SLC6A6: variants seen among roughly 807,000 people sequenced by gnomAD.
The protein encoded by SLC6A6 is solute carrier family 6 member 6.
Under a neutral mutation model 68.8 loss-of-function variants are expected in SLC6A6, and 16 were observed. The observed-to-expected ratio is 0.23, with a 90% CI of 0.16 to 0.35. The LOEUF (loss-of-function observed/expected upper bound fraction) is 0.35, where lower values mean the gene tolerates loss of function less well. SLC6A6 is among the 10% of genes least tolerant of loss of function. The pLI is 1.00. For missense variants in SLC6A6, 474 were observed against 802.8 expected (o/e 0.59, Z 4.95); for synonymous variants, 312 against 315.4 (o/e 0.99, Z 0.12).
intron 4 of SLC6A6, 78 bp from the exon 5 acceptor site, chr3:14,447,504 G>A: frequency 1.3e-6 from 2 of 1,576,650 alleles, no homozygotes; most frequent in Non-Finnish European, 1.7e-6. Context: ...GGATACCATG[G>A]CCTTCCAGTT....
At chr3:14,418,958 C>T (rs1176827989) in intron 2 of SLC6A6, among the ~76,000 whole-genome samples, 1 of 152,234 alleles carries the variant, frequency 6.6e-6, no homozygotes, top group Non-Finnish European at 1.5e-5. Context: ...CCCGGGACTT[C>T]CTCCTGGTTA....
intron 1 of SLC6A6, among the ~76,000 whole-genome samples, chr3:14,407,068 G>A (rs1447319070): frequency 6.9e-6 from 1 of 144,074 alleles, no homozygotes; most frequent in Admixed American, 6.9e-5. Context: ...TTTTTTTTTT[G>A]AGACAGGGTC....
chr3:14,403,123 T>TGTGG (rs1350237821), intron 1 of SLC6A6, among the ~76,000 whole-genome samples: 3 of 126,746 alleles, frequency 2.4e-5, no homozygotes, highest in African/African-American at 8.9e-5. Context: ...TGTGTGTGTG[T>TGTGG]GGCATATCTG....
At chr3:14,444,940 C>T (rs1233273873) in intron 3 of SLC6A6, 1 of 440,356 alleles carries the variant, frequency 2.3e-6, no homozygotes, top group Non-Finnish European at 4.6e-6. Context: ...GATGCCTACC[C>T]TCTGCCCCTT....
chr3:14,431,277 C>A (rs143367329), intron 2 of SLC6A6, among the ~76,000 whole-genome samples: 55 of 152,298 alleles, frequency 3.6e-4, no homozygotes, highest in Non-Finnish European at 6.8e-4. Context: ...GAATGCCTGA[C>A]GTGGAAGGCT....
At chr3:14,414,518 ATTCTTTTTTTT>A (rs1299702450) in intron 1 of SLC6A6, among the ~76,000 whole-genome samples, 2 of 151,660 alleles carry the variant, frequency 1.3e-5, no homozygotes, top group African/African-American at 2.4e-5. Context: ...CTTTAGTGCT[ATTCTTTTTTTT>A]TTCTTTTTTT....
chr3:14,417,353 G>C lies in SLC6A6; in HGVS notation c.-12+900G>C, dbSNP rs113254554. On this transcript the variant is annotated intron_variant, in intron 2 of 14. Transcript: ENST00000622186. ...ATATGTTAAATAAAAACAGTCACGT[G>C]AACATTCTTCCATTTTTGCTGAATC... Among the ~76,000 whole-genome samples the C allele has an allele frequency of 1.3e-3, 205 of 152,284 alleles. 1 individual carries two copies. Among genetic ancestry groups the C allele is most frequent in the African/African-American group, 4.6e-3 (193 of 41,560 alleles).
Position 14,487,993 on chromosome 3 carries a change from C to CGGTGGCTCCGTGAGCTG in SLC6A6, c.*2991_*3007dup, listed in dbSNP as rs1364298038. The CGGTGGCTCCGTGAGCTG allele has an allele frequency of 2.0e-5, 3 of 152,682 alleles. No individual in the cohort carries two copies. Among genetic ancestry groups the CGGTGGCTCCGTGAGCTG allele is most frequent in the Admixed American group, 6.5e-5 (1 of 15,282 alleles). 9.5% of individuals were successfully genotyped at this position (152,682 alleles called of 1,614,324 possible). ...TCCTCACAGAATTCCTGGACCCATG[C>CGGTGGCTCCGTGAGCTG]GGTGGCTCCGTGAGCTGGGTGACTC... On this transcript the variant is annotated 3_prime_UTR_variant, in exon 15 of 15. Transcript: ENST00000622186.
At chr3:14,455,147 G>T (rs1700340025) in intron 5 of SLC6A6, among the ~76,000 whole-genome samples, 2 of 152,176 alleles carry the variant, frequency 1.3e-5, no homozygotes, top group African/African-American at 4.8e-5. Context: ...GAATGGAATT[G>T]CCTGATCAAA....
Position 14,461,028 on chromosome 3 carries a change from G to A in SLC6A6, c.732+2946G>A, listed in dbSNP as rs997935477. 3.9e-5 allele frequency among the ~76,000 whole-genome samples: 6 copies of A among 152,366 alleles called. No individual in the cohort carries two copies. In the East Asian group the frequency reaches 1.2e-3, roughly 29 times the overall value. On this transcript the variant is annotated intron_variant, in intron 6 of 14. Coordinates refer to ENST00000622186, the MANE Select transcript of SLC6A6 (RefSeq NM_003043.6). Reference sequence around the variant, plus strand: ...GGAGTTGGAGGGTAATGGAGGGAGAGCCCCAGCCTGAGAGGCTCAGGATCT... The same window carrying A: ...GGAGTTGGAGGGTAATGGAGGGAGAACCCCAGCCTGAGAGGCTCAGGATCT...
At chr3:14,425,584 G>C (rs1280249361) in intron 2 of SLC6A6, among the ~76,000 whole-genome samples, 1 of 152,012 alleles carries the variant, frequency 6.6e-6, no homozygotes, top group Non-Finnish European at 1.5e-5. Flanking sequence ...GGAGTAAAGG[G>C]AACCGTTTTC....
At chr3:14,430,451 GT>G (rs1305314943) in intron 2 of SLC6A6, among the ~76,000 whole-genome samples, 2 of 152,176 alleles carry the variant, frequency 1.3e-5, no homozygotes, top group Non-Finnish European at 2.9e-5. Flanking sequence ...GCAATGGAAA[GT>G]TGAGGGAGAT....
At chr3:14,422,796 C>T (rs1699513271) in intron 2 of SLC6A6, among the ~76,000 whole-genome samples, 2 of 152,230 alleles carry the variant, frequency 1.3e-5, no homozygotes, top group African/African-American at 4.8e-5. Flanking sequence ...GGACTCACGC[C>T]TCCTACCTCC....
chr3:14,413,527 A>G (rs1448460355), intron 1 of SLC6A6, among the ~76,000 whole-genome samples: 3 of 152,224 alleles, frequency 2.0e-5, no homozygotes, highest in East Asian at 1.9e-4. Flanking sequence ...GCCCAGCAGT[A>G]TGGGCATCAC....
At chr3:14,440,842 G>A (rs1383578129) in intron 2 of SLC6A6, among the ~76,000 whole-genome samples, 1 of 152,064 alleles carries the variant, frequency 6.6e-6, no homozygotes, top group Admixed American at 6.5e-5. Context: ...CCCCACAGGT[G>A]GAGAGGTGGG....
chr3:14,467,813 G>A, intron 7 of SLC6A6, 40 bp from the exon 8 acceptor site: 1 of 1,340,226 alleles, frequency 7.5e-7, no homozygotes, highest in Non-Finnish European at 1.1e-6. Flanking sequence ...AGCTCTGACA[G>A]CCCTCCTCTC....
At chr3:14,479,957 A>C (rs192994820) in intron 13 of SLC6A6, among the ~76,000 whole-genome samples, 128 of 152,332 alleles carry the variant, frequency 8.4e-4, no homozygotes, top group African/African-American at 3.0e-3. Flanking sequence ...CAAATGGCCC[A>C]ATATTCCTTG....
At position 14,416,427 on chromosome 3, in the gene SLC6A6, C is replaced by A; in HGVS notation, c.-38C>A. On this transcript the variant is annotated 5_prime_UTR_variant, in exon 2 of 15. Transcript: ENST00000622186. ...TTTGCAATAGATCCAGAACCAGAAC[C>A]ACAGCCCTTCTGAGGAGCTCCCAAA... is the stretch of plus-strand genomic sequence containing the variant. 2 of 398,770 alleles carry A rather than the reference C, an allele frequency of 5.0e-6. No individual in the cohort carries two copies. The highest frequency in any genetic ancestry group is 4.4e-5 in the Admixed American group (1 of 22,744). 24.7% of individuals were successfully genotyped at this position (398,770 alleles called of 1,614,324 possible). A position where few individuals can be genotyped will look rare whatever the true frequency, so the allele number is the denominator to read the frequency against.
chr3:14,443,599 G>T (rs1372735378), intron 2 of SLC6A6, 25 bp from the exon 3 acceptor site: 1 of 1,467,636 alleles, frequency 6.8e-7, no homozygotes. Flanking sequence ...TCAGCTGCAG[G>T]ATGCTTCTCT....
Sources: allele counts gnomAD v4.1 joint callset (sites outside exome capture counted in the v4.1 genomes callset), GRCh38; gene constraint gnomAD v4.1.1; transcripts MANE v1.5; gene names NCBI Gene and HGNC (gene_info 2026-07-23, HGNC 2026-07-21).